Variants in SNX29 observed in about 807,000 individuals in gnomAD.
SNX29 encodes sorting nexin-29.
In SNX29, 78 loss-of-function variants were observed where a neutral mutation model predicts 102.1. The observed-to-expected ratio is 0.76, with a 90% CI of 0.64 to 0.92. SNX29 has a LOEUF of 0.92. Among genes scored for constraint, SNX29 ranks in the 40% least tolerant of loss-of-function variants. The probability of loss-of-function intolerance (pLI) is 0.00; values close to 1 mark genes in which losing one functional copy is unlikely to be tolerated. For synonymous variants in SNX29, 580 were observed against 414.5 expected (o/e 1.40, Z -4.85); for missense variants, 1,280 against 1,061.7 (o/e 1.21, Z -2.86).
intron 18 of SNX29, among the ~76,000 whole-genome samples, chr16:12,436,541 C>G (rs1392876845): frequency 6.6e-6 from 1 of 152,250 alleles, no homozygotes; most frequent in Admixed American, 6.5e-5. Flanking sequence ...CGCAGCCTGG[C>G]TTGGGATTCA....
intron 20 of SNX29, among the ~76,000 whole-genome samples, chr16:12,531,630 G>T (rs1368282452): frequency 6.6e-6 from 1 of 152,188 alleles, no homozygotes; most frequent in Non-Finnish European, 1.5e-5. Context: ...GCCTGCTGGG[G>T]CAATGGAAGG....
At chr16:12,273,203 C>T (rs150986375) in intron 14 of SNX29, among the ~76,000 whole-genome samples, 7 of 152,172 alleles carry the variant, frequency 4.6e-5, no homozygotes, top group Non-Finnish European at 1.0e-4. Context: ...CTGGCCTACT[C>T]TAGCCAGAAG....
chr16:12,554,772 CCG>C (rs370755187), intron 20 of SNX29, among the ~76,000 whole-genome samples: 2,326 of 152,254 alleles, frequency 0.015, 55 homozygotes, highest in African/African-American at 0.052. Flanking sequence ...GCTCTCTCCC[CCG>C]CCATAGAATG....
At chr16:12,031,819 C>G (rs1209758448) in intron 4 of SNX29, among the ~76,000 whole-genome samples, 1 of 122,794 alleles carries the variant, frequency 8.1e-6, no homozygotes, top group East Asian at 2.0e-4. Context: ...CAAAACAAAG[C>G]AAAACGAACA....
At chr16:12,105,228 C>CCTTT (rs1481994621) in intron 11 of SNX29, among the ~76,000 whole-genome samples, 1 of 108,490 alleles carries the variant, frequency 9.2e-6, no homozygotes, top group East Asian at 3.4e-4. Context: ...TCCCTCCCTC[C>CCTTT]CTTCCTTCCT....
intron 20 of SNX29, chr16:12,526,795 T>C (rs1328175617): frequency 1.2e-5 from 5 of 416,910 alleles, no homozygotes; most frequent in Non-Finnish European, 2.3e-5. Flanking sequence ...CCCTGCGGGG[T>C]CCACAGCCCA....
At chr16:12,256,378 A>C (rs1180226889) in intron 14 of SNX29, among the ~76,000 whole-genome samples, 1 of 152,096 alleles carries the variant, frequency 6.6e-6, no homozygotes, top group Admixed American at 6.5e-5. Flanking sequence ...GTGGAGTCTC[A>C]TTCTGTCATG....
chr16:12,569,387 C>A lies in SNX29; in HGVS notation c.*758C>A, dbSNP rs1297937927. 5 of 230,514 alleles carry A rather than the reference C, an allele frequency of 2.2e-5. No individual in the cohort carries two copies. Among genetic ancestry groups the A allele is most frequent in the Non-Finnish European group, 2.6e-5 (3 of 116,448 alleles). The allele number at this position is 230,514 out of a possible 1,614,324, so 14.3% of individuals were successfully genotyped here. ...AGTGGGGGGACTCAGACATCTGGCC[C>A]AGCCATCAGCAGCAACCTAGTAACC... is the stretch of plus-strand genomic sequence containing the variant. On this transcript the variant is annotated 3_prime_UTR_variant, in exon 21 of 21. Coordinates refer to ENST00000566228, the MANE Select transcript of SNX29 (RefSeq NM_032167.5).
intron 15 of SNX29, among the ~76,000 whole-genome samples, chr16:12,284,872 G>A (rs1033325877): frequency 2.0e-5 from 3 of 151,904 alleles, no homozygotes; most frequent in Non-Finnish European, 4.4e-5. Context: ...TTACAGATGC[G>A]TGCCACCACA....
chr16:12,478,839 G>A (rs1000924885), intron 19 of SNX29, among the ~76,000 whole-genome samples: 2 of 152,286 alleles, frequency 1.3e-5, no homozygotes, highest in Middle Eastern at 3.4e-3. Context: ...TGGAGGGGAT[G>A]AATAGTTCTC....
chr16:12,428,572 A>G (rs1012743410), intron 18 of SNX29, among the ~76,000 whole-genome samples: 27 of 152,252 alleles, frequency 1.8e-4, no homozygotes, highest in African/African-American at 5.8e-4. Context: ...TGCAATTAAT[A>G]TCTCCTCCTA....
chr16:12,476,400 A>G (rs1177660765), intron 18 of SNX29, among the ~76,000 whole-genome samples: 1 of 23,486 alleles, frequency 4.3e-5, no homozygotes, highest in Admixed American at 6.1e-4. Flanking sequence ...ATATATATAT[A>G]TATATATATA....
intron 20 of SNX29, among the ~76,000 whole-genome samples, chr16:12,541,331 CCAGAATTACCTTCTTCATTCTTCA>C (rs1045430369): frequency 2.6e-5 from 4 of 152,152 alleles, no homozygotes; most frequent in Non-Finnish European, 4.4e-5. Context: ...CTTCTGAGTG[CCAGAATTACCTTCTTCATTCTTCA>C]CAGAATTCCC....
Position 12,574,199 on chromosome 16 carries a change from A to T in SNX29, c.*5570A>T. The stretch of plus-strand genomic sequence containing the variant: ...TGTATTAAAATTTTCTTTTGGAATA[A>T]GCTGTGGAAATTTTGTTACAACCTG... On this transcript the variant is annotated 3_prime_UTR_variant, in exon 21 of 21. Transcript: ENST00000566228. 5.6e-6 allele frequency: 1 copy of T among 178,534 alleles called. No homozygotes were observed. The allele number at this position is 178,534 out of a possible 1,614,324, so 11.1% of individuals were successfully genotyped here.
chr16:12,547,217 G>C (rs1179854140), intron 20 of SNX29, among the ~76,000 whole-genome samples: 1 of 152,214 alleles, frequency 6.6e-6, no homozygotes, highest in African/African-American at 2.4e-5. Flanking sequence ...GTGGAGACCT[G>C]AGGCAGGGAG....
chr16:12,558,440 G>C (rs142560462), intron 20 of SNX29, among the ~76,000 whole-genome samples: 1 of 152,306 alleles, frequency 6.6e-6, no homozygotes, highest in Non-Finnish European at 1.5e-5. Flanking sequence ...GAAAGCATTG[G>C]TAGACTTCTG....
intron 20 of SNX29, among the ~76,000 whole-genome samples, chr16:12,540,558 A>T (rs1209990209): frequency 1.3e-5 from 2 of 152,230 alleles, no homozygotes; most frequent in African/African-American, 2.4e-5. Context: ...ACCCTATGCC[A>T]TGGCCCCTTC....
At chr16:12,512,652 G>A (rs1433718443) in intron 19 of SNX29, among the ~76,000 whole-genome samples, 1 of 151,830 alleles carries the variant, frequency 6.6e-6, no homozygotes, top group African/African-American at 2.4e-5. Context: ...GCGGTTGATG[G>A]ATTCTCTCTA....
intron 18 of SNX29, among the ~76,000 whole-genome samples, chr16:12,440,670 T>TTCTAAGTGAGTTC (rs58314205): frequency 0.44 from 66,374 of 151,560 alleles, 14,655 homozygotes; most frequent in African/African-American, 0.5. Flanking sequence ...TAGCTCCCAC[T>TTCTAAGTGAGTTC]TCTAAGTGAG....
Sources: allele counts gnomAD v4.1 joint callset (sites outside exome capture counted in the v4.1 genomes callset), GRCh38; gene constraint gnomAD v4.1.1; transcripts MANE v1.5; gene names NCBI Gene and HGNC (gene_info 2026-07-23, HGNC 2026-07-21).